The following KMT2D variants were observed in gnomAD, a reference collection of about 807,000 sequenced individuals.
KMT2D encodes the protein lysine methyltransferase 2D, also known as histone-lysine N-methyltransferase 2D.
In KMT2D, 55 loss-of-function variants were observed where a neutral mutation model predicts 512.7. The ratio of observed to expected loss-of-function variants is 0.11; its 90% CI spans 0.09 to 0.13. The LOEUF is 0.13. KMT2D is among the 10% of genes least tolerant of loss of function. The pLI, the probability that KMT2D is intolerant of heterozygous loss-of-function variation, is 1.00. For missense variants in KMT2D, 6,061 were observed against 7,127.9 expected (o/e 0.85, Z 5.39); for synonymous variants, 2,995 against 2,904.0 (o/e 1.03, Z -1.01).
chr12:49,055,862 G>C (rs1938376398), intron 1 of KMT2D, among the ~76,000 whole-genome samples: 2 of 152,188 alleles, frequency 1.3e-5, no homozygotes, highest in African/African-American at 4.8e-5. Context: ...CACTGCAAGA[G>C]ATGTAACACA....
rs748740454 is a variant in KMT2D at position 49,044,766 on chromosome 12, G to C, written c.4941C>G (p.Thr1647=). ...AACCTTCACCCTTGAGCAGCTCATC[G>C]GTGTCCAGGTCCCCATCCTTCTTGT... is the stretch of plus-strand genomic sequence containing the variant. ...PDDKKDGDLD[T]DELLKGEGGV... The change falls in exon 20 of 55, where the codon ACC becomes ACG. Residue 1647 remains threonine (T), a synonymous_variant. Transcript: ENST00000301067. This position sits in a 1 kb window ranked among gnomAD's most constrained non-coding sequence, Gnocchi z 6.4. The C allele has an allele frequency of 1.2e-6, 2 of 1,613,766 alleles. No homozygotes were observed. The highest frequency in any genetic ancestry group is 1.7e-6 in the Non-Finnish European group (2 of 1,179,774).
rs745659904 is a variant in KMT2D, at chr12:49,051,627, C to T, written c.2056G>A (p.Ala686Thr). 1.9e-6 allele frequency: 3 copies of T among 1,576,348 alleles called. No homozygotes were observed. The South Asian group carries it at 3.5e-5, about 19-fold the overall frequency. Reference protein sequence around the residue: ...EESPTSPPPEASRLSPPPEDS... With the variant: ...EESPTSPPPETSRLSPPPEDS... ...TCAGGTGGTGGGGAGAGGCGTGAAG[C>T]CTCAGGTGGAGGGGACGTGGGAGAC... The change falls in exon 11 of 55, where the codon GCT (alanine) becomes ACT (threonine). Residue 686 changes from alanine to threonine, a missense_variant. By Grantham distance (58) the Ala-to-Thr change is moderately conservative. Coordinates refer to ENST00000301067, the MANE Select transcript of KMT2D (RefSeq NM_003482.4).
rs1158798261 is a variant in KMT2D at position 49,060,135 on chromosome 12, C to T, written c.-560G>A. On this transcript the variant is annotated 5_prime_UTR_variant, in exon 1 of 55. Coordinates refer to ENST00000301067, the MANE Select transcript of KMT2D (RefSeq NM_003482.4). ...CCCCTCTCCCCGCCCCGGCCGGCGCCCGGGGCCGCGCGAGCTACGGCGACG... is the reference window on the plus strand; with the variant it reads ...CCCCTCTCCCCGCCCCGGCCGGCGCTCGGGGCCGCGCGAGCTACGGCGACG... Among the ~76,000 whole-genome samples, 2 of 151,252 alleles carry T rather than the reference C, an allele frequency of 1.3e-5. No homozygotes were observed. The highest frequency in any genetic ancestry group is 4.8e-5 in the African/African-American group (2 of 41,268).
Position 49,043,343 on chromosome 12 carries a change from G to A in KMT2D, c.5533+20C>T, listed in dbSNP as rs1943626608. ...GCAAGCAAGGCCAAGACAGGACACA[G>A]TAACCCCGGCAGCCCTCACCTGGTG... On this transcript the variant is annotated intron_variant, in intron 25 of 54. Coordinates refer to ENST00000301067, the MANE Select transcript of KMT2D (RefSeq NM_003482.4). The A allele has an allele frequency of 1.2e-6, 2 of 1,613,132 alleles. No homozygotes were observed. The highest frequency in any genetic ancestry group is 2.2e-5 in the South Asian group (2 of 91,070).
chr12:49,040,909 C>T lies in KMT2D; in HGVS notation c.6861G>A (p.Val2287=), dbSNP rs1351984284. ...PFGESRKALE[V]KKEELGASSP... is the part of the protein sequence containing the mutation. ...AGGATGCCCCAAGCTCTTCCTTCTT[C>T]ACCTCTAGGGCCTTCCGGGACTCCC... Residue 2287 remains valine, a synonymous_variant, in exon 32 of 55, where the codon GTG becomes GTA. Transcript: ENST00000301067. The T allele has an allele frequency of 1.9e-6, 3 of 1,613,764 alleles. No homozygotes were observed. The highest frequency in any genetic ancestry group is 2.5e-6 in the Non-Finnish European group (3 of 1,179,800).
rs569620684 is a variant in KMT2D, at chr12:49,027,151, C to T, written c.14815G>A (p.Glu4939Lys). The T allele has an allele frequency of 1.1e-5, 15 of 1,425,580 alleles. No individual in the cohort carries two copies. Among genetic ancestry groups the T allele is most frequent in the African/African-American group, 7.7e-5 (5 of 64,924 alleles). 88.3% of individuals were successfully genotyped at this position (1,425,580 alleles called of 1,614,324 possible). Residue 4939 changes from glutamate to lysine, a missense_variant, in exon 49 of 55, where the codon GAA becomes AAA. Coordinates refer to ENST00000301067, the MANE Select transcript of KMT2D (RefSeq NM_003482.4). The stretch of plus-strand genomic sequence containing the variant: ...GGGACGGGTGGCTCAGCCAAGGGTT[C>T]GGTGGGAAGTTCAACCAAGGGCTCA... Reference protein sequence around the residue: ...PTEPLVELPTEPLAEPPVPSP... With the variant: ...PTEPLVELPTKPLAEPPVPSP...
Position 49,052,265 on chromosome 12 carries a change from TCCTCAGGTGGTGGTGACAGGCGTGATG to T in KMT2D, c.1391_1417del (p.Ala464_Glu472del). ...CTCAGGAAGTGGGGATGCGGGCAAT[TCCTCAGGTGGTGGTGACAGGCGTGATG>T]CCTCAGGTGGTGGGGACGTGGGTGA... On this transcript the variant is annotated inframe_deletion, in exon 11 of 55. Transcript: ENST00000301067. 6.2e-7 allele frequency: 1 copy of T among 1,606,590 alleles called. No homozygotes were observed. Among genetic ancestry groups the T allele is most frequent in the South Asian group, 1.1e-5 (1 of 90,696 alleles).
intron 41 of KMT2D, 48 bp downstream of exon 41, chr12:49,030,845 C>G: frequency 6.2e-7 from 1 of 1,612,370 alleles, no homozygotes; most frequent in Non-Finnish European, 8.5e-7. Context: ...GGACAGGGTG[C>G]CCCCTATCCT....
At position 49,042,199 on chromosome 12, in the gene KMT2D, T is replaced by C; in HGVS notation, c.5999A>G (p.Gln2000Arg). The change falls in exon 29 of 55, where the codon CAG becomes CGG. Residue 2000 changes from glutamine (Q) to arginine (R), a missense_variant. By Grantham distance (43) the Gln-to-Arg change is conservative. This residue lies in a region of KMT2D where 640 missense variants were observed against 814.3 expected (regional missense o/e 0.79). Transcript: ENST00000301067. The surrounding 1 kb of genome is among the most constrained non-coding windows in gnomAD (Gnocchi z 4.4). Reference protein sequence around the residue: ...EGEGDGLSYNQRSLQRWEKDE... With the variant: ...EGEGDGLSYNRRSLQRWEKDE... The stretch of plus-strand genomic sequence containing the variant: ...CTTCTCCCAGCGCTGAAGACTCCGC[T>C]GGTTATAGGAGAGTCCGTCGCCCTC... 1 of 1,609,322 alleles carries C rather than the reference T, an allele frequency of 6.2e-7. No individual in the cohort carries two copies. The highest frequency in any genetic ancestry group is 1.1e-5 in the South Asian group (1 of 89,942).
intron 43 of KMT2D, among the ~76,000 whole-genome samples, chr12:49,029,823 G>C (rs1326906817): frequency 1.3e-5 from 2 of 152,006 alleles, no homozygotes; most frequent in African/African-American, 4.8e-5. Flanking sequence ...GTGGCAGCTG[G>C]CTTTAGATAT....
At position 49,041,170 on chromosome 12, in the gene KMT2D, AG is replaced by A; in HGVS notation, c.6599del (p.Pro2200LeufsTer64). 6.6e-7 allele frequency: 1 copy of A among 1,518,234 alleles called. No individual in the cohort carries two copies. The allele number at this position is 1,518,234 out of a possible 1,614,324, so 94.0% of individuals were successfully genotyped here. Reference protein sequence around the residue: ...PTAPPTYPPYPSPTGAPAQPP... With the variant: ...PTAPPTYPPYXSPTGAPAQPP... ...GCTGCGCAGGGGCCCCCGTAGGACT[AG>A]GATAGGGGGGATAGGTGGGCGGTGC... On this transcript the variant is annotated frameshift_variant, in exon 32 of 55. Transcript: ENST00000301067. LOFTEE classifies it high-confidence loss of function. This position sits in a 1 kb window ranked among gnomAD's most constrained non-coding sequence, Gnocchi z 5.4.
rs1194227363 is a variant in KMT2D at position 49,031,298 on chromosome 12, T to C, written c.13407A>G (p.Ala4469=). The C allele has an allele frequency of 1.9e-6, 3 of 1,613,458 alleles. No homozygotes were observed. In the African/African-American group the frequency reaches 4.0e-5, roughly 22 times the overall value. The change falls in exon 40 of 55, where the codon GCA becomes GCG. Residue 4469 remains alanine, a synonymous_variant. Transcript: ENST00000301067. ...GCCCAGTGCTGAGTTGCACATTCTT[T>C]GCCCGGAGTAGCTTCTGCAAGAGCA... The part of the protein sequence containing the change: ...GHLLLQKLLR[A]KNVQLSTGRG...
rs1160374716 is a variant in KMT2D at position 49,051,834 on chromosome 12, G to A, written c.1849C>T (p.Leu617Phe). ...CGTGATGCCTCAGGTGGTGGGGAAAGGGGAGACTCCTCAGGTGGAGGGGAC... is the reference window on the plus strand; with the variant it reads ...CGTGATGCCTCAGGTGGTGGGGAAAAGGGAGACTCCTCAGGTGGAGGGGAC... ...PLSPPPEESP[L>F]SPPPEASRLS... The change falls in exon 11 of 55, where the codon CTT (leucine) becomes TTT (phenylalanine). Residue 617 changes from leucine to phenylalanine, a missense_variant. Coordinates refer to ENST00000301067, the MANE Select transcript of KMT2D (RefSeq NM_003482.4). The A allele has an allele frequency of 2.5e-6, 4 of 1,610,182 alleles. No homozygotes were observed. Among genetic ancestry groups the A allele is most frequent in the Admixed American group, 1.7e-5 (1 of 59,738 alleles).
At position 49,040,818 on chromosome 12, in the gene KMT2D, C is replaced by T; in HGVS notation, c.6952G>A (p.Gly2318Ser). The T allele has an allele frequency of 6.2e-7, 1 of 1,613,732 alleles. No individual in the cohort carries two copies. Among genetic ancestry groups the T allele is most frequent in the African/African-American group, 1.3e-5 (1 of 75,016 alleles). Residue 2318 changes from glycine to serine, a missense_variant, in exon 32 of 55, where the codon GGC (glycine) becomes AGC (serine). Physicochemically the swap from Gly to Ser is moderately conservative, Grantham distance 56. Around this residue, in one of 16 missense-constraint regions of KMT2D, gnomAD observed 710 missense variants for 647.3 expected, o/e 1.10. Coordinates refer to ENST00000301067, the MANE Select transcript of KMT2D (RefSeq NM_003482.4). ...ACATCAGGTGTCTTTAACTCCAGGCCACCCAGGTGGGTGCCTGAGGAGGGT... is the reference window on the plus strand; with the variant it reads ...ACATCAGGTGTCTTTAACTCCAGGCTACCCAGGTGGGTGCCTGAGGAGGGT... ...DSPSSGTHLGGLELKTPDVFK... is the reference protein window; with the variant it reads ...DSPSSGTHLGSLELKTPDVFK...
intron 12 of KMT2D, 83 bp downstream of exon 12, chr12:49,049,599 G>A (rs1051420607): frequency 2.1e-6 from 3 of 1,407,266 alleles, no homozygotes; most frequent in Non-Finnish European, 2.8e-6. Flanking sequence ...ACAAAGCAAG[G>A]TGGGAAAGTA....
At position 49,049,748 on chromosome 12, in the gene KMT2D, G is replaced by A. The variant is rs373247355; in HGVS notation, c.3840C>T (p.Ser1280=). ...CCTTCTCCCCCTCAGCTTTGCCTCC[G>A]CTGATAGCTGTCCCAGCATCGCACA... is the stretch of plus-strand genomic sequence containing the variant. ...SLLCDAGTAI[S]GGKAEGEKGR... The change falls in exon 12 of 55, where the codon AGC becomes AGT. Residue 1280 remains serine (S), a synonymous_variant. Coordinates refer to ENST00000301067, the MANE Select transcript of KMT2D (RefSeq NM_003482.4). 21 of 1,608,830 alleles carry A rather than the reference G, an allele frequency of 1.3e-5. No individual in the cohort carries two copies. The highest frequency in any genetic ancestry group is 5.0e-5 in the Admixed American group (3 of 59,908).
chr12:49,022,122 C>T lies in KMT2D; in HGVS notation c.16442G>A (p.Cys5481Tyr), dbSNP rs1388523736. 2 of 1,613,928 alleles carry T rather than the reference C, an allele frequency of 1.2e-6. No individual in the cohort carries two copies. Among genetic ancestry groups the T allele is most frequent in the South Asian group, 1.1e-5 (1 of 91,074 alleles). The change falls in exon 54 of 55, where the codon TGT becomes TAT. Residue 5481 changes from cysteine (C) to tyrosine (Y), a missense_variant. Cys to Tyr is a radical substitution (Grantham distance 194). Transcript: ENST00000301067. This position sits in a 1 kb window ranked among gnomAD's most constrained non-coding sequence, Gnocchi z 8.6. ...GTCAAATGTCACGACTTCGGCCACA[C>T]AGTTAGGGGCACAGGAATGGTTAAT... is the stretch of plus-strand genomic sequence containing the variant. ...RYINHSCAPN[C>Y]VAEVVTFDKE... is the part of the protein sequence containing the mutation.
intron 13 of KMT2D, among the ~76,000 whole-genome samples, 153 bp from the exon 14 acceptor site, chr12:49,048,922 T>C (rs961181472): frequency 8.5e-5 from 13 of 152,182 alleles, no homozygotes; most frequent in African/African-American, 1.7e-4. Flanking sequence ...AGCTCCCAAA[T>C]TGAGCCTCAG....
In KMT2D at chr12:49,060,154, G is replaced by A. The variant is rs1261132423; in HGVS notation, c.-579C>T. Among the ~76,000 whole-genome samples the A allele has an allele frequency of 4.0e-5, 6 of 150,950 alleles. No individual in the cohort carries two copies. Among genetic ancestry groups the A allele is most frequent in the Admixed American group, 4.0e-4 (6 of 15,182 alleles). ...CGGCGCCCGGGGCCGCGCGAGCTAC[G>A]GCGACGCGGGGCCGGCGGGGCCGCG... On this transcript the variant is annotated 5_prime_UTR_variant, in exon 1 of 55. Transcript: ENST00000301067.
Sources: gnomAD v4.1 joint callset for allele counts (sites outside exome capture counted in the v4.1 genomes callset) on GRCh38, gnomAD v4.1.1 for gene constraint, gnomAD v4.1.1 regional missense constraint, Gnocchi (gnomAD v3.1) non-coding constraint, MANE v1.5 for transcripts, NCBI Gene and HGNC (gene_info 2026-07-23, HGNC 2026-07-21) for gene names.